Variants in CSMD1 observed in about 807,000 individuals in gnomAD.
CSMD1 encodes the protein CUB and sushi domain-containing protein 1.
CSMD1 carries 213 observed loss-of-function variants against 417.5 expected under a neutral mutation model. The ratio of observed to expected loss-of-function variants is 0.51; its 90% CI spans 0.46 to 0.57. The LOEUF is 0.57. CSMD1 is among the 20% of genes least tolerant of loss of function. The pLI, the probability that CSMD1 is intolerant of heterozygous loss-of-function variation, is 0.00. For missense variants in CSMD1, 6,923 were observed against 4,529.7 expected (o/e 1.53, Z -15.17); for synonymous variants, 2,862 against 1,736.8 (o/e 1.65, Z -16.11).
intron 1 of CSMD1, among the ~76,000 whole-genome samples, chr8:4,934,761 C>A (rs536780712): frequency 2.0e-5 from 3 of 152,218 alleles, no homozygotes; most frequent in Admixed American, 6.5e-5. Context: ...ATCTACCTAC[C>A]TATACTATAG....
At chr8:4,829,223 T>A (rs1414896898) in intron 1 of CSMD1, among the ~76,000 whole-genome samples, 1 of 152,178 alleles carries the variant, frequency 6.6e-6, no homozygotes, top group Admixed American at 6.5e-5. Context: ...GTTGTTTAGA[T>A]GAGAATTTTA....
rs1326245229 is a variant in CSMD1, at chr8:4,414,285, G to C, written c.415+5668C>G. On this transcript the variant is annotated intron_variant, in intron 3 of 69. Coordinates refer to ENST00000635120, the MANE Select transcript of CSMD1 (RefSeq NM_033225.6). ...ATTCAGCCAACAGAGTGACACCCTG[G>C]TAAGAGGAAGCCCCGCCCATCCTAA... 2.0e-5 allele frequency among the ~76,000 whole-genome samples: 3 copies of C among 152,144 alleles called. No individual in the cohort carries two copies. The East Asian group carries it at 5.8e-4, about 29-fold the overall frequency.
chr8:3,210,530 T>A (rs985669669), intron 30 of CSMD1, among the ~76,000 whole-genome samples: 17 of 39,810 alleles, frequency 4.3e-4, no homozygotes, highest in Admixed American at 7.5e-4. Context: ...TATATGTGAA[T>A]ATATATACAT....
At chr8:3,508,737 A>T (rs1261193961) in intron 10 of CSMD1, among the ~76,000 whole-genome samples, 1 of 152,138 alleles carries the variant, frequency 6.6e-6, no homozygotes, top group African/African-American at 2.4e-5. Flanking sequence ...TAAAACAAAT[A>T]AAATTATCAT....
chr8:4,153,441 G>C (rs376589723), intron 3 of CSMD1, among the ~76,000 whole-genome samples: 1 of 152,188 alleles, frequency 6.6e-6, no homozygotes, highest in Non-Finnish European at 1.5e-5. Context: ...CCCGCACTTA[G>C]CAGATGAGCC....
At chr8:4,464,941 C>A (rs1420748262) in intron 2 of CSMD1, among the ~76,000 whole-genome samples, 4 of 152,120 alleles carry the variant, frequency 2.6e-5, no homozygotes, top group African/African-American at 9.7e-5. Context: ...CATATTCAAA[C>A]CAGATGTGCT....
At chr8:3,545,983 G>A (rs1287495384) in intron 10 of CSMD1, among the ~76,000 whole-genome samples, 1 of 152,168 alleles carries the variant, frequency 6.6e-6, no homozygotes, top group Non-Finnish European at 1.5e-5. Flanking sequence ...CAAACAATTA[G>A]TCAACATATT....
intron 11 of CSMD1, among the ~76,000 whole-genome samples, chr8:3,477,247 A>T (rs919499455): frequency 5.9e-5 from 9 of 152,322 alleles, no homozygotes; most frequent in Non-Finnish European, 1.3e-4. Flanking sequence ...CCTGAATTTT[A>T]AAAAAGGGGG....
intron 2 of CSMD1, among the ~76,000 whole-genome samples, chr8:4,582,520 A>T (rs1309659597): frequency 6.6e-6 from 1 of 152,208 alleles, no homozygotes; most frequent in Non-Finnish European, 1.5e-5. Flanking sequence ...TAAGTCCTGT[A>T]GTCTCACAGG....
chr8:4,674,185 C>T (rs954813429), intron 1 of CSMD1, among the ~76,000 whole-genome samples: 1 of 152,062 alleles, frequency 6.6e-6, no homozygotes, highest in Non-Finnish European at 1.5e-5. Flanking sequence ...AATGGTCAGA[C>T]CTCAAAATTT....
At chr8:3,767,729 G>A (rs187146882) in intron 5 of CSMD1, among the ~76,000 whole-genome samples, 8 of 152,162 alleles carry the variant, frequency 5.3e-5, no homozygotes, top group African/African-American at 7.2e-5. Flanking sequence ...TTTGCGTTAA[G>A]AGAAGTGAAC....
intron 8 of CSMD1, among the ~76,000 whole-genome samples, chr8:3,603,773 T>G (rs1007833069): frequency 6.6e-6 from 1 of 152,254 alleles, no homozygotes; most frequent in Non-Finnish European, 1.5e-5. Flanking sequence ...GTTTCATCTA[T>G]TAGTAAACTA....
chr8:3,755,898 C>G (rs928411831), intron 5 of CSMD1, among the ~76,000 whole-genome samples: 8 of 152,006 alleles, frequency 5.3e-5, no homozygotes, highest in Non-Finnish European at 1.2e-4. Flanking sequence ...CAGCTGACTC[C>G]AAGGCATATT....
chr8:3,500,826 T>G (rs915132422), intron 10 of CSMD1, among the ~76,000 whole-genome samples: 3 of 152,122 alleles, frequency 2.0e-5, no homozygotes, highest in Non-Finnish European at 4.4e-5. Context: ...CAGAATGGGA[T>G]GTGAGGAAGC....
intron 3 of CSMD1, among the ~76,000 whole-genome samples, chr8:4,275,342 G>C (rs538340226): frequency 1.3e-5 from 2 of 152,208 alleles, no homozygotes; most frequent in East Asian, 3.9e-4. Flanking sequence ...TTGTGTATTT[G>C]TTGGAAGAAA....
intron 3 of CSMD1, among the ~76,000 whole-genome samples, chr8:4,382,892 G>T (rs577798325): frequency 2.0e-5 from 3 of 152,260 alleles, no homozygotes; most frequent in South Asian, 2.1e-4. Context: ...TAAATAAATT[G>T]TTCAAGAATA....
intron 2 of CSMD1, among the ~76,000 whole-genome samples, chr8:4,610,824 G>A (rs1801129323): frequency 6.6e-6 from 1 of 152,128 alleles, no homozygotes; most frequent in African/African-American, 2.4e-5. Flanking sequence ...GCATGCCTGT[G>A]AGTATAAACA....
At chr8:4,453,820 T>TTTTC (rs1799302452) in intron 2 of CSMD1, among the ~76,000 whole-genome samples, 1 of 118,316 alleles carries the variant, frequency 8.5e-6, no homozygotes, top group Non-Finnish European at 1.7e-5. Context: ...GTTTCTTTTT[T>TTTTC]TTTTTTTTTT....
At chr8:4,653,855 G>C (rs1033704243) in intron 1 of CSMD1, among the ~76,000 whole-genome samples, 3 of 152,102 alleles carry the variant, frequency 2.0e-5, no homozygotes, top group African/African-American at 7.2e-5. Flanking sequence ...TTCTGAAGAA[G>C]ACATGCATTT....
Sources: gnomAD v4.1 joint callset for allele counts (sites outside exome capture counted in the v4.1 genomes callset) on GRCh38, gnomAD v4.1.1 for gene constraint, MANE v1.5 for transcripts, NCBI Gene and HGNC (gene_info 2026-07-23, HGNC 2026-07-21) for gene names.